CHL1: variants seen among roughly 807,000 people sequenced by gnomAD.
CHL1 encodes the protein cell adhesion molecule L1 like, also known as neural cell adhesion molecule L1-like protein.
Under a neutral mutation model 141.9 loss-of-function variants are expected in CHL1, and 96 were observed. The observed-to-expected ratio is 0.68, with a 90% CI of 0.57 to 0.80. The LOEUF (loss-of-function observed/expected upper bound fraction) is 0.80, where lower values mean the gene tolerates loss of function less well. Among genes scored for constraint, CHL1 ranks in the 30% least tolerant of loss-of-function variants. The pLI, the probability that CHL1 is intolerant of heterozygous loss-of-function variation, is 0.00. For missense variants in CHL1, 1,820 were observed against 1,457.2 expected (o/e 1.25, Z -4.05); for synonymous variants, 613 against 502.2 (o/e 1.22, Z -2.95).
chr3:377,917 C>T lies in CHL1; in HGVS notation c.1851C>T (p.Ala617=), dbSNP rs745914214. ...CTCATACTGCTCTAGACAGTGCTGC[C>T]GATATAACTCAAGTAACTGTTCTTG... ...CSAHTALDSA[A]DITQVTVLDV... The change falls in exon 16 of 28, where the codon GCC becomes GCT. Residue 617 remains alanine (A), a synonymous_variant. Coordinates refer to ENST00000256509, the MANE Select transcript of CHL1 (RefSeq NM_006614.4). The T allele has an allele frequency of 1.1e-5, 17 of 1,609,122 alleles. No individual in the cohort carries two copies. Among genetic ancestry groups the T allele is most frequent in the African/African-American group, 4.0e-5 (3 of 74,648 alleles).
chr3:383,208 G>C (rs1159354492), intron 18 of CHL1, among the ~76,000 whole-genome samples: 1 of 152,122 alleles, frequency 6.6e-6, no homozygotes, highest in Non-Finnish European at 1.5e-5. Context: ...CTGAGAAAAA[G>C]CAAGTGAAGG....
intron 2 of CHL1, among the ~76,000 whole-genome samples, chr3:294,497 C>A (rs147342117): frequency 6.6e-6 from 1 of 152,162 alleles, no homozygotes; most frequent in Non-Finnish European, 1.5e-5. Context: ...AGTCTTAAAA[C>A]GGTAACCACA....
intron 12 of CHL1, 131 bp downstream of exon 12, chr3:360,555 T>C (rs1456663587): frequency 1.1e-6 from 1 of 937,926 alleles, no homozygotes; most frequent in Non-Finnish European, 1.6e-6. Flanking sequence ...TCACCATACA[T>C]TTGAGTTTTA....
At chr3:223,714 A>C (rs1484546632) in intron 1 of CHL1, among the ~76,000 whole-genome samples, 1 of 152,196 alleles carries the variant, frequency 6.6e-6, no homozygotes, top group Non-Finnish European at 1.5e-5. Context: ...GTGAAGCAGA[A>C]GGACTGGATT....
intron 2 of CHL1, among the ~76,000 whole-genome samples, chr3:250,883 G>T (rs974272554): frequency 6.6e-6 from 1 of 152,050 alleles, no homozygotes; most frequent in African/African-American, 2.4e-5. Flanking sequence ...TAGTTTGTAG[G>T]AATTAAGCAT....
intron 1 of CHL1, among the ~76,000 whole-genome samples, chr3:217,142 G>T (rs1315421867): frequency 6.6e-6 from 1 of 151,996 alleles, no homozygotes; most frequent in African/African-American, 2.4e-5. Flanking sequence ...AATTTGGTTT[G>T]ATTATTAATA....
At chr3:241,599 T>G (rs1692571733) in intron 1 of CHL1, among the ~76,000 whole-genome samples, 1 of 151,872 alleles carries the variant, frequency 6.6e-6, no homozygotes, top group Non-Finnish European at 1.5e-5. Flanking sequence ...TTTTTTTACT[T>G]TGCCTCAAGT....
In CHL1 at chr3:391,128, T is replaced by C. The variant is rs1356914715; in HGVS notation, c.2760T>C (p.Ser920=). The C allele has an allele frequency of 2.5e-6, 4 of 1,613,582 alleles. No homozygotes were observed. Among genetic ancestry groups the C allele is most frequent in the Non-Finnish European group, 2.5e-6 (3 of 1,179,566 alleles). ...ACTCTAAAGGAGCTGGTCCTGAAAG[T>C]GAGCCTTATATATTTCAAACACCAG... ...AYNSKGAGPE[S]EPYIFQTPEG... is the part of the protein sequence containing the mutation. Residue 920 remains serine (S), a synonymous_variant, in exon 22 of 28, where the codon AGT becomes AGC. Coordinates refer to ENST00000256509, the MANE Select transcript of CHL1 (RefSeq NM_006614.4).
At chr3:352,389 C>T (rs1182602397) in intron 10 of CHL1, among the ~76,000 whole-genome samples, 3 of 152,066 alleles carry the variant, frequency 2.0e-5, no homozygotes, top group Non-Finnish European at 4.4e-5. Flanking sequence ...TGATAAACAT[C>T]TCTATTTAGC....
At chr3:317,267 A>G (rs1033865455) in intron 2 of CHL1, among the ~76,000 whole-genome samples, 2 of 151,996 alleles carry the variant, frequency 1.3e-5, no homozygotes, top group South Asian at 2.1e-4. Context: ...AATTCAAAAA[A>G]TGGGATCACC....
rs1486558375 is a variant in CHL1 at position 379,543 on chromosome 3, T to A, written c.1876+1601T>A. ...GGGTAAGTGTCAGGCTCCGTGCGCT[T>A]TGTCCCTAAGTATTTTGAGCAGTCT... On this transcript the variant is annotated intron_variant, in intron 16 of 27. Coordinates refer to ENST00000256509, the MANE Select transcript of CHL1 (RefSeq NM_006614.4). Among the ~76,000 whole-genome samples, 5 of 152,156 alleles carry A rather than the reference T, an allele frequency of 3.3e-5. No individual in the cohort carries two copies. The East Asian group carries it at 9.6e-4, about 29-fold the overall frequency.
intron 15 of CHL1, chr3:373,456 A>G (rs535493508): frequency 6.5e-6 from 1 of 152,704 alleles, no homozygotes; most frequent in East Asian, 1.9e-4. Context: ...GGACCAAGCC[A>G]TCCAGCCTCC....
chr3:351,663 C>T (rs1039268157), intron 10 of CHL1, among the ~76,000 whole-genome samples: 1 of 152,062 alleles, frequency 6.6e-6, no homozygotes, highest in Non-Finnish European at 1.5e-5. Context: ...ATTCTGAAAA[C>T]ACCCATTGTG....
chr3:303,811 A>G (rs1698976555), intron 2 of CHL1, among the ~76,000 whole-genome samples: 1 of 152,168 alleles, frequency 6.6e-6, no homozygotes. Flanking sequence ...CTGGTTTTCA[A>G]AGGGAATGCT....
At chr3:375,174 G>A (rs1706159730) in intron 15 of CHL1, among the ~76,000 whole-genome samples, 1 of 152,074 alleles carries the variant, frequency 6.6e-6, no homozygotes, top group African/African-American at 2.4e-5. Flanking sequence ...GACCATACAG[G>A]CTATAGACCA....
chr3:337,785 G>C (rs1702023390), intron 5 of CHL1, among the ~76,000 whole-genome samples: 2 of 152,098 alleles, frequency 1.3e-5, no homozygotes, highest in South Asian at 2.1e-4. Flanking sequence ...CAGGACATTT[G>C]GGTTGGTTGC....
rs149841445 is a variant in CHL1, at chr3:226,273, C to G, written c.-174-18340C>G. ...CTGGTGTCATGTGATCCGCCTGCTT[C>G]GGCCTCCCAAAGTGCGGATCCCAAA... On this transcript the variant is annotated intron_variant, in intron 1 of 27. Transcript: ENST00000256509. Among the ~76,000 whole-genome samples, 12 of 149,480 alleles carry G rather than the reference C, an allele frequency of 8.0e-5. No individual in the cohort carries two copies. The East Asian group carries it at 2.4e-3, about 30-fold the overall frequency.
At chr3:232,095 T>C (rs1203659910) in intron 1 of CHL1, among the ~76,000 whole-genome samples, 2 of 152,126 alleles carry the variant, frequency 1.3e-5, no homozygotes, top group African/African-American at 4.8e-5. Context: ...TGACGAGACG[T>C]TATGCTTGGA....
At chr3:232,178 C>T (rs146153516) in intron 1 of CHL1, among the ~76,000 whole-genome samples, 7 of 152,090 alleles carry the variant, frequency 4.6e-5, no homozygotes, top group Admixed American at 6.6e-5. Context: ...GAGGAGGCAC[C>T]GGAGAATCAT....
Sources: allele counts gnomAD v4.1 joint callset (sites outside exome capture counted in the v4.1 genomes callset), GRCh38; gene constraint gnomAD v4.1.1; transcripts MANE v1.5; gene names NCBI Gene and HGNC (gene_info 2026-07-23, HGNC 2026-07-21).